Variants in B4GALT1 observed in about 807,000 individuals in gnomAD.
The protein encoded by B4GALT1 is beta-1,4-galactosyltransferase 1.
B4GALT1 carries 16 observed loss-of-function variants against 34.9 expected under a neutral mutation model. That is an observed-to-expected ratio of 0.46 (90% confidence interval 0.31 to 0.70). B4GALT1 has a LOEUF of 0.70. Ranked by LOEUF, B4GALT1 falls within the 30% of genes least tolerant of loss-of-function variation. The pLI is 0.05. For missense variants in B4GALT1, 445 were observed against 530.5 expected, an observed-to-expected ratio of 0.84 and a Z score of 1.58; for synonymous variants, 221 against 218.1, an observed-to-expected ratio of 1.01 and a Z score of -0.12.
intron 1 of B4GALT1, among the ~76,000 whole-genome samples, chr9:33,151,219 A>C (rs1840512918): frequency 6.6e-6 from 1 of 152,254 alleles, no homozygotes; most frequent in Non-Finnish European, 1.5e-5. Context: ...CTTCCCTTGC[A>C]GTGAATTCAG....
intron 1 of B4GALT1, among the ~76,000 whole-genome samples, chr9:33,155,443 G>T (rs1840581955): frequency 6.6e-6 from 1 of 152,164 alleles, no homozygotes; most frequent in African/African-American, 2.4e-5. Context: ...TCCCTCTTCA[G>T]CTCCTCTTCC....
intron 2 of B4GALT1, among the ~76,000 whole-genome samples, chr9:33,126,660 G>GTTAAA: frequency 6.6e-6 from 1 of 150,446 alleles, no homozygotes; most frequent in South Asian, 2.1e-4. Context: ...GTTAACCATA[G>GTTAAA]CAATATGGTA....
At chr9:33,157,127 C>CACACACACACAG in intron 1 of B4GALT1, among the ~76,000 whole-genome samples, 1 of 138,322 alleles carries the variant, frequency 7.2e-6, no homozygotes. Flanking sequence ...GAACTACACA[C>CACACACACACAG]ACACACACAC....
intron 1 of B4GALT1, among the ~76,000 whole-genome samples, chr9:33,153,438 G>T (rs1840551246): frequency 6.6e-6 from 1 of 152,064 alleles, no homozygotes; most frequent in Non-Finnish European, 1.5e-5. Flanking sequence ...CTCAAAGTTG[G>T]TCCTCTGAAA....
downstream of B4GALT1, among the ~76,000 whole-genome samples, chr9:33,109,969 T>G (rs1331114676): frequency 3.9e-5 from 6 of 152,382 alleles, no homozygotes; most frequent in East Asian, 1.2e-3. Context: ...ACCAGAGTTG[T>G]CCTGTTTGAA....
intron 1 of B4GALT1, among the ~76,000 whole-genome samples, chr9:33,144,297 G>A (rs1025328407): frequency 1.9e-4 from 29 of 152,196 alleles, no homozygotes; most frequent in Admixed American, 3.9e-4. Flanking sequence ...GCAGTGGTGC[G>A]ATCTCAGCTC....
chr9:33,179,651 T>A, the B4GALT1 span: 1 of 152,258 alleles, frequency 6.6e-6, no homozygotes, highest in South Asian at 2.1e-4. Flanking sequence ...TTTCAAATTT[T>A]GAATTTTGAT....
intron 1 of B4GALT1, among the ~76,000 whole-genome samples, chr9:33,153,167 G>C (rs1237731873): frequency 6.6e-6 from 1 of 152,088 alleles, no homozygotes; most frequent in Non-Finnish European, 1.5e-5. Context: ...ATATATAAAG[G>C]TTAGTAACAC....
At position 33,167,181 on chromosome 9, in the gene B4GALT1, C is replaced by G; in HGVS notation, c.-12G>C. On this transcript the variant is annotated 5_prime_UTR_variant, in exon 1 of 6. Transcript: ENST00000379731. ...TCCCGAAGCCTCATCTTCCCGCCGC[C>G]GCTTTAAGAAGGGTGTGGGCTACAG... 6.3e-7 allele frequency: 1 copy of G among 1,593,204 alleles called. No homozygotes were observed. Among genetic ancestry groups the G allele is most frequent in the Non-Finnish European group, 8.5e-7 (1 of 1,171,670 alleles).
intron 1 of B4GALT1, among the ~76,000 whole-genome samples, chr9:33,154,933 T>TG (rs1053633035): frequency 3.9e-4 from 59 of 152,244 alleles, no homozygotes; most frequent in Non-Finnish European, 2.1e-4. Context: ...GCCAAAAGAT[T>TG]GGACACCCCT....
At chr9:33,118,593 C>G (rs915366327) in intron 3 of B4GALT1, among the ~76,000 whole-genome samples, 1 of 151,682 alleles carries the variant, frequency 6.6e-6, no homozygotes, top group African/African-American at 2.4e-5. Context: ...TCACTTGAGC[C>G]AGGGAGTTTA....
At chr9:33,143,470 A>G (rs1840382272) in intron 1 of B4GALT1, among the ~76,000 whole-genome samples, 1 of 152,272 alleles carries the variant, frequency 6.6e-6, no homozygotes, top group East Asian at 1.9e-4. Context: ...TTGCTTTCGC[A>G]ATGCTGGTAG....
chr9:33,166,242 G>T (rs1230621123), intron 1 of B4GALT1, among the ~76,000 whole-genome samples: 6 of 152,136 alleles, frequency 3.9e-5, no homozygotes, highest in Admixed American at 3.3e-4. Flanking sequence ...GAAATATGAG[G>T]TTCAGAGAGA....
At chr9:33,108,878 A>G (rs1839824019), downstream of B4GALT1, 1 of 151,842 alleles carries the variant, frequency 6.6e-6, no homozygotes, top group Non-Finnish European at 1.5e-5. Context: ...TTTCCTGAGC[A>G]ATAGGAGAAT....
At chr9:33,159,754 T>C (rs937469808) in intron 1 of B4GALT1, among the ~76,000 whole-genome samples, 10 of 152,370 alleles carry the variant, frequency 6.6e-5, no homozygotes, top group African/African-American at 2.4e-4. Flanking sequence ...TTTGCAAGCT[T>C]GCTCCCACCT....
At chr9:33,181,051 C>T in the B4GALT1 span, among the ~76,000 whole-genome samples, 1 of 152,068 alleles carries the variant, frequency 6.6e-6, no homozygotes, top group African/African-American at 2.4e-5. Flanking sequence ...AGTTTAGGGA[C>T]CTGTTAAAAA....
At chr9:33,131,037 CAGAGCTT>C (rs1840187669) in intron 2 of B4GALT1, among the ~76,000 whole-genome samples, 1 of 152,166 alleles carries the variant, frequency 6.6e-6, no homozygotes, top group South Asian at 2.1e-4. Context: ...CTGAGGCCTG[CAGAGCTT>C]AAGTAACCTG....
intron 1 of B4GALT1, among the ~76,000 whole-genome samples, chr9:33,164,471 G>A (rs947725205): frequency 1.3e-5 from 2 of 152,206 alleles, no homozygotes; most frequent in Admixed American, 6.5e-5. Context: ...CTCAGCAGCA[G>A]CCTAAACGTC....
At chr9:33,165,827 T>C (rs978262877) in intron 1 of B4GALT1, among the ~76,000 whole-genome samples, 1 of 152,238 alleles carries the variant, frequency 6.6e-6, no homozygotes. Context: ...CCAGCTGCTA[T>C]GAGGAATGCA....
Sources: allele counts gnomAD v4.1 joint callset (sites outside exome capture counted in the v4.1 genomes callset), GRCh38; gene constraint gnomAD v4.1.1; transcripts MANE v1.5; gene names NCBI Gene and HGNC (gene_info 2026-07-23, HGNC 2026-07-21).